TWIST2: variants seen among roughly 807,000 people sequenced by gnomAD.
TWIST2 encodes the protein twist family bHLH transcription factor 2, also known as twist-related protein 2.
TWIST2 carries 1 observed loss-of-function variant against 11.6 expected under a neutral mutation model. The observed-to-expected ratio is 0.09, with a 90% CI of 0.03 to 0.41. The LOEUF is 0.41. Ranked by LOEUF, TWIST2 falls within the 10% of genes least tolerant of loss-of-function variation. TWIST2 has a pLI of 0.98. For missense variants in TWIST2, 168 were observed against 226.4 expected (o/e 0.74, Z 1.66); for synonymous variants, 87 against 96.6 (o/e 0.90, Z 0.58).
rs1219959260 is a variant in TWIST2, at chr2:238,863,930, G to T, written c.*35+15197G>T. Among the ~76,000 whole-genome samples, 1 of 152,180 alleles carries T rather than the reference G, an allele frequency of 6.6e-6. No individual in the cohort carries two copies. The highest frequency in any genetic ancestry group is 1.5e-5 in the Non-Finnish European group (1 of 68,036). Reference sequence around the variant, plus strand: ...ATCCTGGGGGCATCCCTGTGTGCCAGCTTCTCCAGAACCTACAGGGAGGAA... The same window carrying T: ...ATCCTGGGGGCATCCCTGTGTGCCATCTTCTCCAGAACCTACAGGGAGGAA... On this transcript the variant is annotated intron_variant, in intron 1 of 1. Transcript: ENST00000612363. This position sits in a 1 kb window ranked among gnomAD's most constrained non-coding sequence, Gnocchi z 4.7.
intron 1 of TWIST2, among the ~76,000 whole-genome samples, chr2:238,853,365 T>C (rs1692273837): frequency 7.0e-6 from 1 of 142,698 alleles, no homozygotes; most frequent in Non-Finnish European, 1.5e-5. Flanking sequence ...AGGGAGAGGA[T>C]ATAGCAGAGG....
At chr2:238,902,410 G>C (rs1164855015) in intron 1 of TWIST2, among the ~76,000 whole-genome samples, 1 of 151,312 alleles carries the variant, frequency 6.6e-6, no homozygotes, top group East Asian at 1.9e-4. Context: ...GTTAATCAGG[G>C]TGTGTGTGTG....
rs868369216 is a variant in TWIST2 at position 238,867,126 on chromosome 2, G to T, written c.*35+18393G>T. Among the ~76,000 whole-genome samples the T allele has an allele frequency of 6.6e-6, 1 of 152,116 alleles. No homozygotes were observed. Among genetic ancestry groups the T allele is most frequent in the South Asian group, 2.1e-4 (1 of 4,822 alleles). ...AACAGAGGAGCCAGCCTCTTGTTTC[G>T]AGGGCCTTTTCCGTCCTCGAAGCCA... is the stretch of plus-strand genomic sequence containing the variant. On this transcript the variant is annotated intron_variant, in intron 1 of 1. Transcript: ENST00000612363. The surrounding 1 kb of genome is among the most constrained non-coding windows in gnomAD (Gnocchi z 4.8).
intron 1 of TWIST2, among the ~76,000 whole-genome samples, chr2:238,886,022 G>A (rs527279775): frequency 3.4e-4 from 52 of 151,876 alleles, no homozygotes; most frequent in Non-Finnish European, 6.6e-4. Context: ...CTTGACCCTG[G>A]GAGGCGGAGG....
chr2:238,905,868 TGCGTGTGTGTGCATGTGCGCGCATGCGC>T (rs1693335236), intron 1 of TWIST2, among the ~76,000 whole-genome samples: 1 of 149,616 alleles, frequency 6.7e-6, no homozygotes, highest in African/African-American at 2.5e-5. Context: ...TGTGTGTGCG[TGCGTGTGTGTGCATGTGCGCGCATGCGC>T]GTGTGTGCGT....
chr2:238,848,621 G>A lies in TWIST2; in HGVS notation c.406G>A (p.Val136Met). 6.5e-7 allele frequency: 1 copy of A among 1,546,748 alleles called. No individual in the cohort carries two copies. The highest frequency in any genetic ancestry group is 8.7e-7 in the Non-Finnish European group (1 of 1,152,216). Residue 136 changes from valine (V) to methionine (M), a missense_variant, in exon 1 of 2, where the codon GTG becomes ATG. Val to Met is a conservative substitution (Grantham distance 21, BLOSUM62 1). This residue lies in a region of TWIST2 where 62 missense variants were observed against 75.3 expected (regional missense o/e 0.82). Coordinates refer to ENST00000612363, the MANE Select transcript of TWIST2 (RefSeq NM_001271893.4). ...CAATAAGATGACCAGCTGCAGCTAC[G>A]TGGCCCACGAGCGCCTCAGCTACGC... ...MDNKMTSCSY[V>M]AHERLSYAFS... is the part of the protein sequence containing the mutation.
Position 238,864,370 on chromosome 2 carries a change from C to T in TWIST2, c.*35+15637C>T, listed in dbSNP as rs1559270752. Among the ~76,000 whole-genome samples, 1 of 152,354 alleles carries T rather than the reference C, an allele frequency of 6.6e-6. No individual in the cohort carries two copies. Among genetic ancestry groups the T allele is most frequent in the East Asian group, 1.9e-4 (1 of 5,186 alleles). On this transcript the variant is annotated intron_variant, in intron 1 of 1. Transcript: ENST00000612363. This position sits in a 1 kb window ranked among gnomAD's most constrained non-coding sequence, Gnocchi z 4.7. ...GTTAACTGCCAGGGTTAGTCCCCTC[C>T]GCGGGCCTCCTGCATGAATCAGAGC...
chr2:238,868,862 T>C (rs978288365), intron 1 of TWIST2, among the ~76,000 whole-genome samples: 8 of 152,182 alleles, frequency 5.3e-5, no homozygotes, highest in African/African-American at 1.9e-4. Flanking sequence ...GGGGCTTGTG[T>C]CCATTTGATT....
intron 1 of TWIST2, among the ~76,000 whole-genome samples, chr2:238,850,019 T>C (rs1319771552): frequency 6.6e-6 from 1 of 152,228 alleles, no homozygotes; most frequent in Non-Finnish European, 1.5e-5. Flanking sequence ...CTCCCAAACA[T>C]ATCTATTTCT....
At chr2:238,876,397 C>G (rs1170767654) in intron 1 of TWIST2, among the ~76,000 whole-genome samples, 1 of 152,210 alleles carries the variant, frequency 6.6e-6, no homozygotes, top group African/African-American at 2.4e-5. Flanking sequence ...GGGTAAACAC[C>G]TTCTGCTTTC....
At chr2:238,903,092 T>G (rs1693297440) in intron 1 of TWIST2, among the ~76,000 whole-genome samples, 1 of 118,872 alleles carries the variant, frequency 8.4e-6, no homozygotes, top group Non-Finnish European at 1.7e-5. Flanking sequence ...GGGTGTGTGC[T>G]GTGGGGTATG....
intron 1 of TWIST2, among the ~76,000 whole-genome samples, chr2:238,868,517 C>T (rs1023118717): frequency 6.6e-6 from 1 of 152,162 alleles, no homozygotes; most frequent in Non-Finnish European, 1.5e-5. Flanking sequence ...ATCCCAGTCT[C>T]CTCCCATTCC....
chr2:238,888,272 C>A (rs772123561), intron 1 of TWIST2, among the ~76,000 whole-genome samples: 1 of 152,200 alleles, frequency 6.6e-6, no homozygotes, highest in Non-Finnish European at 1.5e-5. Context: ...TTTTCAGAGT[C>A]CTGTCTCCAT....
At position 238,896,717 on chromosome 2, in the gene TWIST2, G is replaced by A. The variant is rs894726020; in HGVS notation, c.*36-13125G>A. On this transcript the variant is annotated intron_variant, in intron 1 of 1. Coordinates refer to ENST00000612363, the MANE Select transcript of TWIST2 (RefSeq NM_001271893.4). ...CACCCATGCAGTCATTCCTGGGAAG[G>A]CCTGACTCTCCACAGGGGAATGGGG... Among the ~76,000 whole-genome samples the A allele has an allele frequency of 9.8e-5, 15 of 152,296 alleles. No homozygotes were observed. The South Asian group carries it at 3.1e-3, about 32-fold the overall frequency.
chr2:238,899,115 G>A (rs1301954890), intron 1 of TWIST2, among the ~76,000 whole-genome samples: 1 of 152,220 alleles, frequency 6.6e-6, no homozygotes, highest in African/African-American at 2.4e-5. Context: ...TCATCTATCC[G>A]GTCCTGGCCT....
At chr2:238,862,457 T>A (rs912355320) in intron 1 of TWIST2, among the ~76,000 whole-genome samples, 2 of 152,176 alleles carry the variant, frequency 1.3e-5, no homozygotes, top group Non-Finnish European at 2.9e-5. Context: ...AATAAACGCG[T>A]GAAGTGTTGA....
chr2:238,900,682 C>A (rs1420664854), intron 1 of TWIST2, among the ~76,000 whole-genome samples: 1 of 152,142 alleles, frequency 6.6e-6, no homozygotes, highest in Non-Finnish European at 1.5e-5. Context: ...GCTCTTTCCA[C>A]CAACACTCTG....
rs1184968310 is a variant in TWIST2, at chr2:238,848,097, C to G, written c.-119C>G. The stretch of plus-strand genomic sequence containing the variant: ...AGACCTCGGTTTTGCACAAGCCGGC[C>G]TTGAAATCAGAGCCTTTCCAGCAAC... On this transcript the variant is annotated 5_prime_UTR_variant, in exon 1 of 2. Coordinates refer to ENST00000612363, the MANE Select transcript of TWIST2 (RefSeq NM_001271893.4). 1.2e-6 allele frequency: 1 copy of G among 861,686 alleles called. No homozygotes were observed. The highest frequency in any genetic ancestry group is 1.5e-6 in the Non-Finnish European group (1 of 681,570). The allele number at this position is 861,686 out of a possible 1,614,324, so 53.4% of individuals were successfully genotyped here.
At chr2:238,884,254 A>T (rs1350449359) in intron 1 of TWIST2, among the ~76,000 whole-genome samples, 1 of 152,202 alleles carries the variant, frequency 6.6e-6, no homozygotes, top group Non-Finnish European at 1.5e-5. Flanking sequence ...AGGGATCCCA[A>T]GGCTCCTGGG....
Sources: allele counts gnomAD v4.1 joint callset (sites outside exome capture counted in the v4.1 genomes callset), GRCh38; gene constraint gnomAD v4.1.1; regional missense constraint gnomAD v4.1.1; non-coding constraint Gnocchi (gnomAD v3.1); transcripts MANE v1.5; gene names NCBI Gene and HGNC (gene_info 2026-07-23, HGNC 2026-07-21).